Variants in ADNP observed in about 807,000 individuals in gnomAD.
The protein encoded by ADNP is activity dependent neuroprotector homeobox, also known as activity-dependent neuroprotector homeobox protein.
A neutral mutation model predicts 84.9 loss-of-function variants in ADNP; 4 were observed. The ratio of observed to expected loss-of-function variants is 0.05; its 90% CI spans 0.02 to 0.11. The LOEUF is 0.11. Among genes scored for constraint, ADNP ranks in the 10% least tolerant of loss-of-function variants. The pLI is 1.00. For synonymous variants in ADNP, 554 were observed against 468.1 expected (o/e 1.18, Z -2.37); for missense variants, 1,132 against 1,326.0 (o/e 0.85, Z 2.27).
chr20:50,892,595 T>C lies in ADNP; in HGVS notation c.2119A>G (p.Asn707Asp). Reference protein sequence around the residue: ...QDKTNAPSRLNQSPSLAPVKR... With the variant: ...QDKTNAPSRLDQSPSLAPVKR... ...ACAGGTGCCAGACTTGGAGACTGAT[T>C]AAGCCGAGAGGGTGCATTTGTCTTA... is the stretch of plus-strand genomic sequence containing the variant. Residue 707 changes from asparagine (N) to aspartate (D), a missense_variant, in exon 6 of 6, where the codon AAT becomes GAT. Asn to Asp is a conservative substitution (Grantham distance 23). Transcript: ENST00000621696. The C allele has an allele frequency of 6.2e-7, 1 of 1,614,232 alleles. No homozygotes were observed. The highest frequency in any genetic ancestry group is 8.5e-7 in the Non-Finnish European group (1 of 1,180,046).
chr20:50,899,375 G>A (rs887644899), intron 5 of ADNP, among the ~76,000 whole-genome samples: 18 of 151,814 alleles, frequency 1.2e-4, no homozygotes, highest in East Asian at 1.9e-4. Flanking sequence ...CACACCTGGC[G>A]AATTTTCGTA....
intron 5 of ADNP, among the ~76,000 whole-genome samples, chr20:50,897,836 A>G (rs756227223): frequency 1.3e-5 from 2 of 152,210 alleles, no homozygotes; most frequent in Non-Finnish European, 2.9e-5. Context: ...TATTCTCTCA[A>G]TACTACTTCT....
chr20:50,895,997 G>A (rs2122775442), intron 5 of ADNP, among the ~76,000 whole-genome samples: 1 of 152,252 alleles, frequency 6.6e-6, no homozygotes, highest in South Asian at 2.1e-4. Context: ...GGCCCAGGCG[G>A]GTGGATCACC....
At chr20:50,919,291 GTA>G (rs199569280) in intron 2 of ADNP, among the ~76,000 whole-genome samples, 204 of 77,020 alleles carry the variant, frequency 2.6e-3, no homozygotes, top group Middle Eastern at 6.9e-3. Flanking sequence ...ATATTTAAGT[GTA>G]TATATATATA....
chr20:50,913,183 G>T (rs553935406), intron 2 of ADNP, among the ~76,000 whole-genome samples: 184 of 139,860 alleles, frequency 1.3e-3, no homozygotes, highest in African/African-American at 4.7e-3. Flanking sequence ...AACCTAGGAG[G>T]TGGGGATTGC....
At position 50,902,040 on chromosome 20, in the gene ADNP, C is replaced by T. The variant is rs1488367897; in HGVS notation, c.178G>A (p.Asp60Asn). 2 of 1,613,664 alleles carry T rather than the reference C, an allele frequency of 1.2e-6. No homozygotes were observed. The highest frequency in any genetic ancestry group is 1.7e-6 in the Non-Finnish European group (2 of 1,179,742). ...ACCTGGTTTTTCGTAAGTGATGGGT[C>T]CCACAGTCCTACATCCTCCCATGTA... ...NTTWEDVGLW[D>N]PSLTKNQDYR... The change falls in exon 5 of 6, where the codon GAC becomes AAC. Residue 60 changes from aspartate to asparagine, a missense_variant. Asp to Asn is a conservative substitution (Grantham distance 23, BLOSUM62 1). Around this residue, in one of 10 missense-constraint regions of ADNP, gnomAD observed 56 missense variants for 94.6 expected, o/e 0.59. Transcript: ENST00000621696.
At chr20:50,902,715 T>C (rs1368242243) in intron 4 of ADNP, among the ~76,000 whole-genome samples, 1 of 152,198 alleles carries the variant, frequency 6.6e-6, no homozygotes, top group Non-Finnish European at 1.5e-5. Flanking sequence ...CACTTGTTCC[T>C]AAAAAGTTCA....
rs182530989 is a variant in ADNP at position 50,891,327 on chromosome 20, G to A, written c.*78C>T. ...CCAGTACTCACAAGGCAGTACCAGTGAGAAGACAGCTTTGCAGTCACACTG... is the reference window on the plus strand; with the variant it reads ...CCAGTACTCACAAGGCAGTACCAGTAAGAAGACAGCTTTGCAGTCACACTG... On this transcript the variant is annotated 3_prime_UTR_variant, in exon 6 of 6. Coordinates refer to ENST00000621696, the MANE Select transcript of ADNP (RefSeq NM_001282531.3). 6.8e-7 allele frequency: 1 copy of A among 1,471,248 alleles called. No homozygotes were observed. The highest frequency in any genetic ancestry group is 8.9e-7 in the Non-Finnish European group (1 of 1,118,550). 91.1% of individuals were successfully genotyped at this position (1,471,248 alleles called of 1,614,324 possible). A position where few individuals can be genotyped will look rare whatever the true frequency, so the allele number is the denominator to read the frequency against.
At chr20:50,915,740 C>T (rs1369992932) in intron 2 of ADNP, among the ~76,000 whole-genome samples, 1 of 152,112 alleles carries the variant, frequency 6.6e-6, no homozygotes, top group Admixed American at 6.5e-5. Context: ...AGTTTAGTAT[C>T]CTCTTTCCTT....
In ADNP at chr20:50,890,016, A is replaced by C; in HGVS notation, c.*1389T>G. 1 of 380,902 alleles carries C rather than the reference A, an allele frequency of 2.6e-6. No individual in the cohort carries two copies. Among genetic ancestry groups the C allele is most frequent in the Non-Finnish European group, 4.5e-6 (1 of 221,824 alleles). The allele number at this position is 380,902 out of a possible 1,614,324, so 23.6% of individuals were successfully genotyped here. A position where few individuals can be genotyped will look rare whatever the true frequency, so the allele number is the denominator to read the frequency against. On this transcript the variant is annotated 3_prime_UTR_variant, in exon 6 of 6. Transcript: ENST00000621696. ...CTATTAAGATTCTGCTTGCAAATTAATGCCAATCCATGTTTACATTTTTTT... is the reference window on the plus strand; with the variant it reads ...CTATTAAGATTCTGCTTGCAAATTACTGCCAATCCATGTTTACATTTTTTT...
At chr20:50,906,385 C>T (rs1982480062) in intron 2 of ADNP, among the ~76,000 whole-genome samples, 1 of 152,190 alleles carries the variant, frequency 6.6e-6, no homozygotes, top group African/African-American at 2.4e-5. Context: ...CATCTTGTTT[C>T]TCTGTTCATT....
chr20:50,908,447 T>G (rs1298509314), intron 2 of ADNP, among the ~76,000 whole-genome samples: 4 of 152,152 alleles, frequency 2.6e-5, no homozygotes. Context: ...TTAAGAAACA[T>G]AAGTTCAAAT....
At position 50,891,881 on chromosome 20, in the gene ADNP, G is replaced by A. The variant is rs1568702946; in HGVS notation, c.2833C>T (p.Pro945Ser). 6.2e-7 allele frequency: 1 copy of A among 1,614,164 alleles called. No individual in the cohort carries two copies. Among genetic ancestry groups the A allele is most frequent in the Non-Finnish European group, 8.5e-7 (1 of 1,180,036 alleles). ...KYETIHLTEE[P>S]TKLMHNASDS... The stretch of plus-strand genomic sequence containing the variant: ...GATGCATTGTGCATTAGTTTGGTTG[G>A]TTCCTCAGTCAAATGAATAGTTTCG... Residue 945 changes from proline to serine, a missense_variant, in exon 6 of 6, where the codon CCA (proline) becomes TCA (serine). By Grantham distance (74) the Pro-to-Ser change is moderately conservative. Transcript: ENST00000621696.
intron 5 of ADNP, among the ~76,000 whole-genome samples, chr20:50,899,846 A>G (rs1246336923): frequency 6.6e-6 from 1 of 150,664 alleles, no homozygotes; most frequent in Non-Finnish European, 1.5e-5. Context: ...TGAAGACAAA[A>G]TATTTTTATA....
In ADNP at chr20:50,891,566, C is replaced by G. The variant is rs1351038499; in HGVS notation, c.3148G>C (p.Ala1050Pro). ...WSKDQSQWKNASENDERLSNP... is the reference protein window; with the variant it reads ...WSKDQSQWKNPSENDERLSNP... ...GATAAGCGCTCATCATTCTCAGATG[C>G]ATTCTTCCACTGTGACTGGTCCTTA... The change falls in exon 6 of 6, where the codon GCA becomes CCA. Residue 1050 changes from alanine (A) to proline (P), a missense_variant. Ala to Pro is a conservative substitution (Grantham distance 27). Transcript: ENST00000621696. The G allele has an allele frequency of 6.2e-7, 1 of 1,612,580 alleles. No homozygotes were observed.
In ADNP at chr20:50,893,160, A is replaced by G. The variant is rs1266571683; in HGVS notation, c.1554T>C (p.Arg518=). 1 of 1,614,254 alleles carries G rather than the reference A, an allele frequency of 6.2e-7. No individual in the cohort carries two copies. The highest frequency in any genetic ancestry group is 8.5e-7 in the Non-Finnish European group (1 of 1,180,046). The part of the protein sequence containing the change: ...LIHGLSCPYC[R]STFNDVEKMA... ...TCTTTTCCACATCATTGAAAGTTGA[A>G]CGGCAATATGGACAAGACAGACCAT... The change falls in exon 6 of 6, where the codon CGT becomes CGC. Residue 518 remains arginine (R), a synonymous_variant. Coordinates refer to ENST00000621696, the MANE Select transcript of ADNP (RefSeq NM_001282531.3). This position sits in a 1 kb window ranked among gnomAD's most constrained non-coding sequence, Gnocchi z 4.4.
At chr20:50,898,333 A>G (rs1228876857) in intron 5 of ADNP, among the ~76,000 whole-genome samples, 1 of 152,134 alleles carries the variant, frequency 6.6e-6, no homozygotes, top group African/African-American at 2.4e-5. Flanking sequence ...AGCCAGGTCC[A>G]GCCTTTTCTT....
At chr20:50,929,120 A>G (rs1209645893) in intron 1 of ADNP, among the ~76,000 whole-genome samples, 2 of 152,192 alleles carry the variant, frequency 1.3e-5, no homozygotes, top group East Asian at 3.8e-4. Context: ...CTCTCAAAGA[A>G]TTGGAAAGAT....
chr20:50,919,287 A>ACATATATATATATATCT (rs776823194), intron 2 of ADNP, among the ~76,000 whole-genome samples: 1 of 128,064 alleles, frequency 7.8e-6, no homozygotes, highest in African/African-American at 3.7e-5. Flanking sequence ...ACATATATTT[A>ACATATATATATATATCT]AGTGTATATA....
Sources: gnomAD v4.1 joint callset for allele counts (sites outside exome capture counted in the v4.1 genomes callset) on GRCh38, gnomAD v4.1.1 for gene constraint, gnomAD v4.1.1 regional missense constraint, Gnocchi (gnomAD v3.1) non-coding constraint, MANE v1.5 for transcripts, NCBI Gene and HGNC (gene_info 2026-07-23, HGNC 2026-07-21) for gene names.